ARFIP1: variants seen among roughly 807,000 people sequenced by gnomAD.
ARFIP1 encodes ARF interacting protein 1.
Under a neutral mutation model 42.5 loss-of-function variants are expected in ARFIP1, and 24 were observed. The ratio of observed to expected loss-of-function variants is 0.57; its 90% CI spans 0.41 to 0.80. The LOEUF is 0.80. Ranked by LOEUF, ARFIP1 falls within the 30% of genes least tolerant of loss-of-function variation. ARFIP1 has a pLI of 0.00. For synonymous variants in ARFIP1, 141 were observed against 153.7 expected (o/e 0.92, Z 0.61); for missense variants, 354 against 434.0 (o/e 0.82, Z 1.64).
In ARFIP1 at chr4:152,829,706, C is replaced by G. The variant is rs145188297; in HGVS notation, c.73C>G (p.Arg25Gly). The stretch of plus-strand genomic sequence containing the variant: ...TAGTAATGGAGAAGTTGATGACTCT[C>G]GTGAACATAGCTTTAATAGGGTAAG... ...VTSNGEVDDS[R>G]EHSFNRDLKH... Residue 25 changes from arginine to glycine, a missense_variant, in exon 2 of 9, where the codon CGT (arginine) becomes GGT (glycine). Physicochemically the swap from Arg to Gly is moderately radical, Grantham distance 125. Coordinates refer to ENST00000353617, the MANE Select transcript of ARFIP1 (RefSeq NM_001025595.3). The G allele has an allele frequency of 2.5e-6, 4 of 1,608,908 alleles. No homozygotes were observed. Among genetic ancestry groups the G allele is most frequent in the East Asian group, 2.2e-5 (1 of 44,758 alleles).
rs528426168 is a variant in ARFIP1, at chr4:152,869,101, T to C, written c.203-1652T>C. Reference sequence around the variant, plus strand: ...GGTCTATTGCATGTTTGAATTTTAATGTGAGATCCAGTTCAAGTTAAGGTA... The same window carrying C: ...GGTCTATTGCATGTTTGAATTTTAACGTGAGATCCAGTTCAAGTTAAGGTA... On this transcript the variant is annotated intron_variant, in intron 3 of 8. Transcript: ENST00000353617. Among the ~76,000 whole-genome samples, 5 of 152,342 alleles carry C rather than the reference T, an allele frequency of 3.3e-5. No homozygotes were observed. In the East Asian group the frequency reaches 9.6e-4, roughly 29 times the overall value.
intron 1 of ARFIP1, among the ~76,000 whole-genome samples, chr4:152,813,175 T>C (rs1305392371): frequency 2.6e-5 from 4 of 152,210 alleles, no homozygotes; most frequent in Admixed American, 6.5e-5. Flanking sequence ...TTGCATTGAA[T>C]TAGGTATTAC....
chr4:152,885,501 T>C (rs955401414), intron 7 of ARFIP1, among the ~76,000 whole-genome samples: 1 of 152,008 alleles, frequency 6.6e-6, no homozygotes, highest in Non-Finnish European at 1.5e-5. Context: ...ACTAACTTTG[T>C]TGATACGGAC....
intron 2 of ARFIP1, among the ~76,000 whole-genome samples, chr4:152,834,886 A>G (rs1367283295): frequency 6.6e-6 from 1 of 152,214 alleles, no homozygotes; most frequent in African/African-American, 2.4e-5. Context: ...GCTTAACACC[A>G]CATGGAAGCT....
At chr4:152,873,915 A>G (rs7677801) in intron 5 of ARFIP1, among the ~76,000 whole-genome samples, 6,599 of 152,286 alleles carry the variant, frequency 0.043, 175 homozygotes, top group South Asian at 0.11. Context: ...CAAGTGATTC[A>G]TACCAAATTT....
At chr4:152,786,681 C>T (rs1437084676) in intron 1 of ARFIP1, among the ~76,000 whole-genome samples, 2 of 152,188 alleles carry the variant, frequency 1.3e-5, no homozygotes, top group Non-Finnish European at 2.9e-5. Flanking sequence ...TCCCCCAGTG[C>T]TTTTATGGCT....
At chr4:152,804,376 T>TATAACATGTATTATATATTATATATAAC (rs1728798470) in intron 1 of ARFIP1, among the ~76,000 whole-genome samples, 1 of 100,784 alleles carries the variant, frequency 9.9e-6, no homozygotes, top group African/African-American at 4.1e-5. Flanking sequence ...TTATATATAA[T>TATAACATGTATTATATATTATATATAAC]ATAACATGTA....
rs960494337 is a variant in ARFIP1, at chr4:152,816,035, C to T, written c.-9-13590C>T. Among the ~76,000 whole-genome samples the T allele has an allele frequency of 9.2e-5, 14 of 152,240 alleles. No individual in the cohort carries two copies. In the South Asian group the frequency reaches 2.7e-3, roughly 29 times the overall value. ...CTGGGATTACAGGCGTGAGCCACCG[C>T]GCCCGGCCATCTGACCACTTCTTTA... On this transcript the variant is annotated intron_variant, in intron 1 of 8. Transcript: ENST00000353617.
chr4:152,907,376 A>C (rs1036734016), intron 8 of ARFIP1, among the ~76,000 whole-genome samples: 2 of 152,204 alleles, frequency 1.3e-5, no homozygotes, highest in Admixed American at 6.5e-5. Flanking sequence ...TTTAACATAC[A>C]GACAAAATAT....
intron 8 of ARFIP1, among the ~76,000 whole-genome samples, chr4:152,895,138 T>C (rs1737200364): frequency 6.6e-6 from 1 of 152,050 alleles, no homozygotes; most frequent in Admixed American, 6.5e-5. Context: ...TCTTAGCAAA[T>C]GATAGGTCTA....
chr4:152,858,288 T>C (rs1733605560), intron 2 of ARFIP1, among the ~76,000 whole-genome samples: 2 of 152,100 alleles, frequency 1.3e-5, no homozygotes, highest in Admixed American at 1.3e-4. Flanking sequence ...CCAGACCTTA[T>C]CTCAAAAAAG....
intron 2 of ARFIP1, among the ~76,000 whole-genome samples, chr4:152,855,081 A>G (rs1733312511): frequency 6.6e-6 from 1 of 152,142 alleles, no homozygotes; most frequent in African/African-American, 2.4e-5. Context: ...GTGCATGGGT[A>G]TTGGCAGTGG....
chr4:152,807,956 G>T, intron 1 of ARFIP1, among the ~76,000 whole-genome samples: 1 of 151,888 alleles, frequency 6.6e-6, no homozygotes, highest in East Asian at 1.9e-4. Context: ...GGTCTCATTT[G>T]CTGAACATTA....
At chr4:152,789,080 CTTTTTTTTTTTTTTT>C (rs71598215) in intron 1 of ARFIP1, among the ~76,000 whole-genome samples, 2 of 71,858 alleles carry the variant, frequency 2.8e-5, no homozygotes, top group Admixed American at 2.9e-4. Flanking sequence ...AGAATACAGA[CTTTTTTTTTTTTTTT>C]TTTTTTTTTT....
chr4:152,808,064 T>C (rs1038388771), intron 1 of ARFIP1, among the ~76,000 whole-genome samples: 1 of 152,120 alleles, frequency 6.6e-6, no homozygotes, highest in East Asian at 1.9e-4. Flanking sequence ...CACTGCAGCC[T>C]CCGCCTCCCA....
intron 1 of ARFIP1, among the ~76,000 whole-genome samples, chr4:152,814,916 A>T (rs1332205616): frequency 6.6e-6 from 1 of 152,138 alleles, no homozygotes; most frequent in Non-Finnish European, 1.5e-5. Flanking sequence ...TTACTTTCTG[A>T]TACTTTCAGG....
intron 6 of ARFIP1, 127 bp from the exon 7 acceptor site, chr4:152,882,596 A>G: frequency 1.0e-6 from 1 of 980,450 alleles, no homozygotes; most frequent in South Asian, 1.8e-5. Context: ...CGGAAAGGAA[A>G]AGTAAAACTG....
chr4:152,785,539 G>A (rs894831108), intron 1 of ARFIP1, among the ~76,000 whole-genome samples: 11 of 152,196 alleles, frequency 7.2e-5, no homozygotes, highest in African/African-American at 2.4e-4. Context: ...CTGGGCTCAA[G>A]CGATCTTCCC....
At chr4:152,904,384 G>T (rs1397292723) in intron 8 of ARFIP1, among the ~76,000 whole-genome samples, 1 of 151,752 alleles carries the variant, frequency 6.6e-6, no homozygotes, top group Non-Finnish European at 1.5e-5. Context: ...GTAGAGACAG[G>T]TTTCACCATG....
Sources: allele counts gnomAD v4.1 joint callset (sites outside exome capture counted in the v4.1 genomes callset), GRCh38; gene constraint gnomAD v4.1.1; transcripts MANE v1.5; gene names NCBI Gene and HGNC (gene_info 2026-07-23, HGNC 2026-07-21).